The following ZNF679 variants were observed in gnomAD, a reference collection of about 807,000 sequenced individuals.
ZNF679 encodes the protein hypothetical protein MGC42415.
A neutral mutation model predicts 13.4 loss-of-function variants in ZNF679; 10 were observed. The observed-to-expected ratio is 0.75, with a 90% confidence interval of 0.46 to 1.27. The LOEUF is 1.27. ZNF679 is among the 50% of genes most tolerant of loss of function. The pLI, the probability that ZNF679 is intolerant of heterozygous loss-of-function variation, is 0.00. For synonymous variants in ZNF679, 179 were observed against 162.5 expected (o/e 1.10, Z -0.77); for missense variants, 525 against 477.8 (o/e 1.10, Z -0.92).
intron 1 of ZNF679, among the ~76,000 whole-genome samples, chr7:64,231,271 A>T (rs572406355): frequency 1.3e-5 from 2 of 152,206 alleles, no homozygotes; most frequent in Non-Finnish European, 2.9e-5. Flanking sequence ...GTTGGGCTTA[A>T]GTGTATGTCA....
intron 1 of ZNF679, among the ~76,000 whole-genome samples, chr7:64,239,275 C>G (rs1208573932): frequency 6.6e-6 from 1 of 152,162 alleles, no homozygotes. Context: ...TTGTGACACC[C>G]CTACTGGGAC....
rs1231843268 is a variant in ZNF679 at position 64,266,683 on chromosome 7, A to G, written c.1050A>G (p.Lys350=). ...KKHKIIHTGE[K]PYKCKECGKA... ...ATAAGATAATTCATACTGGAGAGAA[A>G]CCCTACAAATGTAAAGAATGTGGGA... Residue 350 remains lysine, a synonymous_variant, in exon 5 of 5, where the codon AAA becomes AAG. Transcript: ENST00000421025. 4.3e-6 allele frequency: 7 copies of G among 1,613,444 alleles called. No individual in the cohort carries two copies. Among genetic ancestry groups the G allele is most frequent in the Non-Finnish European group, 5.9e-6 (7 of 1,179,792 alleles).
chr7:64,256,697 CTTT>C (rs35992074), intron 2 of ZNF679, among the ~76,000 whole-genome samples: 4 of 134,258 alleles, frequency 3.0e-5, no homozygotes, highest in Admixed American at 1.5e-4. Flanking sequence ...TTTCGTTGAA[CTTT>C]TTTTTTTTTT....
At chr7:64,251,139 G>A (rs1490132350) in intron 2 of ZNF679, among the ~76,000 whole-genome samples, 5 of 151,906 alleles carry the variant, frequency 3.3e-5, no homozygotes, top group South Asian at 2.1e-4. Flanking sequence ...AAAGTTTCCC[G>A]TTTATAAATA....
At chr7:64,262,278 G>T (rs1788087348) in intron 4 of ZNF679, among the ~76,000 whole-genome samples, 1 of 152,148 alleles carries the variant, frequency 6.6e-6, no homozygotes, top group African/African-American at 2.4e-5. Context: ...CATTTCTTGG[G>T]TGGCACTGTC....
intron 4 of ZNF679, among the ~76,000 whole-genome samples, chr7:64,265,654 G>A (rs1363560991): frequency 2.0e-5 from 3 of 152,074 alleles, no homozygotes; most frequent in Non-Finnish European, 2.9e-5. Flanking sequence ...TTTCTTTTCT[G>A]TCTATATGGC....
intron 1 of ZNF679, among the ~76,000 whole-genome samples, chr7:64,241,863 G>C (rs769043700): frequency 4.6e-5 from 7 of 152,176 alleles, no homozygotes; most frequent in Non-Finnish European, 8.8e-5. Context: ...ACTGTACACT[G>C]GGCCAAGACA....
chr7:64,260,231 C>G lies in ZNF679; in HGVS notation c.50C>G (p.Thr17Arg). 6.2e-7 allele frequency: 1 copy of G among 1,604,384 alleles called. No individual in the cohort carries two copies. The highest frequency in any genetic ancestry group is 8.5e-7 in the Non-Finnish European group (1 of 1,177,318). ...SPGSREMGLL[T>R]FRDVVIEFSL... Reference sequence around the variant, plus strand: ...GTTATTGTTTTTCAGGGACTGTTGACATTCAGAGATGTAGTCATAGAATTC... The same window carrying G: ...GTTATTGTTTTTCAGGGACTGTTGAGATTCAGAGATGTAGTCATAGAATTC... Residue 17 changes from threonine to arginine, a missense_variant, in exon 3 of 5, where the codon ACA becomes AGA. Thr to Arg is a moderately conservative substitution (Grantham distance 71, BLOSUM62 -1). Coordinates refer to ENST00000421025, the MANE Select transcript of ZNF679 (RefSeq NM_153363.3).
intron 1 of ZNF679, among the ~76,000 whole-genome samples, chr7:64,235,900 G>A (rs928845255): frequency 7.5e-6 from 1 of 132,600 alleles, no homozygotes; most frequent in Non-Finnish European, 1.6e-5. Flanking sequence ...ATACTTAAAA[G>A]ACACAAAAAA....
At chr7:64,242,014 G>A (rs890365681) in intron 1 of ZNF679, among the ~76,000 whole-genome samples, 1 of 152,194 alleles carries the variant, frequency 6.6e-6, no homozygotes, top group Admixed American at 6.5e-5. Context: ...ATGTGTTTAA[G>A]TACTTGAATC....
intron 1 of ZNF679, among the ~76,000 whole-genome samples, chr7:64,245,013 G>A (rs961313741): frequency 2.0e-5 from 3 of 152,028 alleles, no homozygotes; most frequent in African/African-American, 7.2e-5. Context: ...TTGTTTCAGG[G>A]ACTTCTTCTT....
chr7:64,244,611 G>A (rs1176949090), intron 1 of ZNF679, among the ~76,000 whole-genome samples: 2 of 152,258 alleles, frequency 1.3e-5, no homozygotes, highest in East Asian at 3.9e-4. Flanking sequence ...CTTCAAAGTA[G>A]CTCAGAGAAA....
intron 1 of ZNF679, among the ~76,000 whole-genome samples, chr7:64,231,256 T>C (rs905010631): frequency 1.6e-4 from 25 of 152,268 alleles, no homozygotes; most frequent in African/African-American, 5.5e-4. Flanking sequence ...TCATTATGCC[T>C]GTGAGTTGGG....
chr7:64,228,679 A>C (rs1423691986), intron 1 of ZNF679, 27 bp downstream of exon 1: 1 of 152,206 alleles, frequency 6.6e-6, no homozygotes, highest in Admixed American at 6.5e-5. Flanking sequence ...TACACGAGAC[A>C]CAGTCTTAAC....
intron 2 of ZNF679, among the ~76,000 whole-genome samples, chr7:64,250,272 T>TG (rs1203265629): frequency 6.9e-6 from 1 of 144,052 alleles, no homozygotes; most frequent in Middle Eastern, 3.4e-3. Context: ...TTGGTTTTTT[T>TG]TTTTTTTTTT....
At position 64,266,830 on chromosome 7, in the gene ZNF679, G is replaced by C; in HGVS notation, c.1197G>C (p.Lys399Asn). The stretch of plus-strand genomic sequence containing the variant: ...GGTCCTCAAGTCTTGCTAATCATAA[G>C]AGTATGCATACTGGAGAGAAACCCT... ...FKWSSSLANH[K>N]SMHTGEKPYK... Residue 399 changes from lysine to asparagine, a missense_variant, in exon 5 of 5, where the codon AAG (lysine) becomes AAC (asparagine). Transcript: ENST00000421025. The C allele has an allele frequency of 6.3e-7, 1 of 1,595,414 alleles. No individual in the cohort carries two copies. Among genetic ancestry groups the C allele is most frequent in the Non-Finnish European group, 8.5e-7 (1 of 1,170,254 alleles).
intron 1 of ZNF679, among the ~76,000 whole-genome samples, chr7:64,245,815 G>A (rs999189481): frequency 6.6e-6 from 1 of 152,176 alleles, no homozygotes; most frequent in African/African-American, 2.4e-5. Flanking sequence ...AGGCCAGCCT[G>A]GCCAACATGG....
At chr7:64,259,005 G>A (rs892377155) in intron 2 of ZNF679, among the ~76,000 whole-genome samples, 1 of 152,034 alleles carries the variant, frequency 6.6e-6, no homozygotes, top group Non-Finnish European at 1.5e-5. Context: ...TCCGCCTTGT[G>A]GGTTCAAGCG....
intron 2 of ZNF679, among the ~76,000 whole-genome samples, chr7:64,257,397 TG>T (rs1788017611): frequency 6.6e-6 from 1 of 152,230 alleles, no homozygotes; most frequent in African/African-American, 2.4e-5. Flanking sequence ...TCATTTCAGA[TG>T]TTTTTTGTAT....
Sources: gnomAD v4.1 joint callset for allele counts (sites outside exome capture counted in the v4.1 genomes callset) on GRCh38, gnomAD v4.1.1 for gene constraint, MANE v1.5 for transcripts, NCBI Gene and HGNC (gene_info 2026-07-23, HGNC 2026-07-21) for gene names.